Variants in NRG1 observed in about 807,000 individuals in gnomAD.
The protein encoded by NRG1 is neuregulin 1, also known as pro-neuregulin-1, membrane-bound isoform.
Under a neutral mutation model 63.8 loss-of-function variants are expected in NRG1, and 18 were observed. The observed-to-expected ratio is 0.28, with a 90% CI of 0.19 to 0.42. NRG1 has a LOEUF of 0.42. NRG1 is among the 10% of genes least tolerant of loss of function. The pLI, the probability that NRG1 is intolerant of heterozygous loss-of-function variation, is 1.00. For synonymous variants in NRG1, 302 were observed against 301.3 expected (o/e 1.00, Z -0.02); for missense variants, 762 against 814.7 (o/e 0.94, Z 0.79).
chr8:32,308,785 T>C (rs939840535), intron 1 of NRG1, among the ~76,000 whole-genome samples: 3 of 152,194 alleles, frequency 2.0e-5, no homozygotes, highest in Non-Finnish European at 4.4e-5. Flanking sequence ...GGGGGAAAAT[T>C]GGTGCTACAA....
chr8:31,739,207 A>T (rs1815011738), intron 1 of NRG1, among the ~76,000 whole-genome samples: 1 of 152,126 alleles, frequency 6.6e-6, no homozygotes, highest in South Asian at 2.1e-4. Context: ...ATAAAGCGTT[A>T]GAATTTGTCA....
Position 31,640,351 on chromosome 8 carries a change from C to T in NRG1, c.37+920C>T. ...TCGCGAGCCGCCAGCCGCGGGCCCA[C>T]GGGCGCTGGGGCCGCCCGCCGAGGA... On this transcript the variant is annotated intron_variant, in intron 1 of 10. Transcript: ENST00000519301. The surrounding 1 kb of genome is among the most constrained non-coding windows in gnomAD (Gnocchi z 6.3). 1 of 1,211,728 alleles carries T rather than the reference C, an allele frequency of 8.3e-7. No individual in the cohort carries two copies. The allele number at this position is 1,211,728 out of a possible 1,614,324, so 75.1% of individuals were successfully genotyped here.
intron 1 of NRG1, among the ~76,000 whole-genome samples, chr8:32,070,131 G>A (rs2131017208): frequency 6.6e-6 from 1 of 152,184 alleles, no homozygotes; most frequent in Non-Finnish European, 1.5e-5. Flanking sequence ...AAGTATGAAG[G>A]TAGTAAATAT....
intron 1 of NRG1, among the ~76,000 whole-genome samples, chr8:31,775,713 C>G (rs1253430587): frequency 6.6e-6 from 1 of 151,818 alleles, no homozygotes; most frequent in African/African-American, 2.4e-5. Context: ...GAAACCCCGT[C>G]TCTACTAAAA....
At chr8:32,480,964 G>A (rs1453458237) in intron 1 of NRG1, among the ~76,000 whole-genome samples, 1 of 152,124 alleles carries the variant, frequency 6.6e-6, no homozygotes. Flanking sequence ...AACCATGTCA[G>A]TATACATACA....
chr8:32,390,646 T>C (rs1027819478), intron 1 of NRG1, among the ~76,000 whole-genome samples: 1 of 149,544 alleles, frequency 6.7e-6, no homozygotes, highest in Non-Finnish European at 1.5e-5. Flanking sequence ...AGAAAAACTT[T>C]CCCTGATATA....
At chr8:32,048,940 GGAGGCCAAATGGAAAGCCTAAAAAAAGA>G in intron 1 of NRG1, among the ~76,000 whole-genome samples, 1 of 152,034 alleles carries the variant, frequency 6.6e-6, no homozygotes, top group South Asian at 2.1e-4. Flanking sequence ...ATGGTTTAAG[GGAGGCCAAATGGAAAGCCTAAAAAAAGA>G]GCATTCTGTG....
chr8:31,640,710 G>A lies in NRG1; in HGVS notation c.37+1279G>A, dbSNP rs1376684319. 3.1e-6 allele frequency: 5 copies of A among 1,599,426 alleles called. No homozygotes were observed. The highest frequency in any genetic ancestry group is 1.7e-5 in the Admixed American group (1 of 59,022). On this transcript the variant is annotated intron_variant, in intron 1 of 10. Transcript: ENST00000519301. The surrounding 1 kb of genome is among the most constrained non-coding windows in gnomAD (Gnocchi z 6.3). Reference sequence around the variant, plus strand: ...GGAACCTCAAGAAGGAGGTCAGCCGGGTGCTGTGCAAGCGGTGCGGTAAGT... The same window carrying A: ...GGAACCTCAAGAAGGAGGTCAGCCGAGTGCTGTGCAAGCGGTGCGGTAAGT...
At chr8:32,381,972 A>G (rs1317325117) in intron 1 of NRG1, among the ~76,000 whole-genome samples, 16 of 152,232 alleles carry the variant, frequency 1.1e-4, no homozygotes, top group Non-Finnish European at 1.9e-4. Context: ...ACTCCTAGAG[A>G]GTTTGAACTA....
At chr8:31,933,074 T>A (rs1218652964) in intron 1 of NRG1, among the ~76,000 whole-genome samples, 1 of 152,204 alleles carries the variant, frequency 6.6e-6, no homozygotes, top group Non-Finnish European at 1.5e-5. Flanking sequence ...TAAATTTAGA[T>A]TTTAGCTAGC....
intron 1 of NRG1, among the ~76,000 whole-genome samples, chr8:32,179,049 T>A (rs1185109625): frequency 6.6e-6 from 1 of 152,006 alleles, no homozygotes; most frequent in African/African-American, 2.4e-5. Flanking sequence ...ATAGCTCGGC[T>A]ATGATTTCAG....
chr8:32,308,465 C>T (rs1856468081), intron 1 of NRG1, among the ~76,000 whole-genome samples: 1 of 152,206 alleles, frequency 6.6e-6, no homozygotes, highest in Admixed American at 6.5e-5. Context: ...ACCAGCTTTA[C>T]TCATTGTTAT....
At chr8:32,496,454 G>T (rs7006475) in intron 1 of NRG1, among the ~76,000 whole-genome samples, 79,034 of 151,912 alleles carry the variant, frequency 0.52, 21,535 homozygotes, top group Non-Finnish European at 0.6. Flanking sequence ...ACTGGGCATG[G>T]CGGTGCGTGC....
At chr8:32,470,882 C>T (rs2129490521) in intron 1 of NRG1, among the ~76,000 whole-genome samples, 1 of 152,178 alleles carries the variant, frequency 6.6e-6, no homozygotes, top group South Asian at 2.1e-4. Flanking sequence ...ACTGCAGCCT[C>T]AAATTCCTGG....
intron 5 of NRG1, chr8:32,721,940 CTATATTCAGAGCAAGAATAAT>C: frequency 2.6e-6 from 4 of 1,531,742 alleles, no homozygotes; most frequent in Non-Finnish European, 3.5e-6. Context: ...TGCAAAGGAG[CTATATTCAGAGCAAGAATAAT>C]AATTTCAGAT....
chr8:31,700,519 A>G (rs770550530), intron 1 of NRG1, among the ~76,000 whole-genome samples: 6 of 152,272 alleles, frequency 3.9e-5, no homozygotes, highest in Non-Finnish European at 7.4e-5. Flanking sequence ...AGCGGCATGA[A>G]TATGCCCACA....
intron 1 of NRG1, among the ~76,000 whole-genome samples, chr8:32,483,452 A>T (rs994781489): frequency 2.6e-5 from 4 of 152,136 alleles, no homozygotes; most frequent in African/African-American, 9.7e-5. Context: ...CCCCCATGAA[A>T]GTTATGCATT....
chr8:32,478,960 C>T (rs906104426), intron 1 of NRG1, among the ~76,000 whole-genome samples: 9 of 152,152 alleles, frequency 5.9e-5, no homozygotes, highest in Non-Finnish European at 1.5e-5. Context: ...TTCCTGAAAA[C>T]TGTTGCATTG....
chr8:32,526,944 A>C (rs1315835515), intron 1 of NRG1, among the ~76,000 whole-genome samples: 3 of 152,122 alleles, frequency 2.0e-5, no homozygotes, highest in African/African-American at 7.2e-5. Context: ...TGTACCTAAG[A>C]AATCTAGTCT....
Sources: gnomAD v4.1 joint callset for allele counts (sites outside exome capture counted in the v4.1 genomes callset) on GRCh38, gnomAD v4.1.1 for gene constraint, Gnocchi (gnomAD v3.1) non-coding constraint, MANE v1.5 for transcripts, NCBI Gene and HGNC (gene_info 2026-07-23, HGNC 2026-07-21) for gene names.